The following NF2 variants were observed in gnomAD, a reference collection of about 807,000 sequenced individuals.
The protein encoded by NF2 is merlin.
A neutral mutation model predicts 83.7 loss-of-function variants in NF2; 8 were observed. That is an observed-to-expected ratio of 0.10 (90% CI 0.06 to 0.17). NF2 has a LOEUF of 0.17. NF2 is among the 10% of genes least tolerant of loss of function. The pLI, the probability that NF2 is intolerant of heterozygous loss-of-function variation, is 1.00. For synonymous variants in NF2, 266 were observed against 269.6 expected (o/e 0.99, Z 0.13); for missense variants, 533 against 744.4 (o/e 0.72, Z 3.31).
At chr22:29,651,879 G>A (rs1373243925) in intron 4 of NF2, among the ~76,000 whole-genome samples, 1 of 152,196 alleles carries the variant, frequency 6.6e-6, no homozygotes, top group East Asian at 1.9e-4. Flanking sequence ...CAGCACTGTT[G>A]AGAGATTTGC....
At chr22:29,618,141 C>G (rs2065124056) in intron 1 of NF2, among the ~76,000 whole-genome samples, 1 of 152,084 alleles carries the variant, frequency 6.6e-6, no homozygotes, top group Non-Finnish European at 1.5e-5. Flanking sequence ...GTGGAAAAAC[C>G]TGTTTGTAAA....
intron 6 of NF2, among the ~76,000 whole-genome samples, chr22:29,657,029 T>A (rs1301901370): frequency 2.0e-5 from 3 of 152,008 alleles, no homozygotes; most frequent in East Asian, 3.9e-4. Flanking sequence ...CTTTTTTTTT[T>A]AAACTTAAGT....
At chr22:29,670,545 C>T (rs1365114200) in intron 10 of NF2, among the ~76,000 whole-genome samples, 1 of 119,978 alleles carries the variant, frequency 8.3e-6, no homozygotes, top group Non-Finnish European at 1.7e-5. Flanking sequence ...GTGTATTTGG[C>T]TTAGGATTTA....
intron 13 of NF2, among the ~76,000 whole-genome samples, chr22:29,677,912 GA>G (rs1386068471): frequency 6.6e-6 from 1 of 152,144 alleles, no homozygotes. Flanking sequence ...TTTCCTAAAT[GA>G]AAAAGCGAGT....
In NF2 at chr22:29,629,862, A is replaced by AT. The variant is rs990201595; in HGVS notation, c.115-6885dup. 1.4e-4 allele frequency among the ~76,000 whole-genome samples: 21 copies of AT among 152,338 alleles called. 1 individual carries two copies. The highest frequency in any genetic ancestry group is 4.8e-4 in the African/African-American group (20 of 41,572). The stretch of plus-strand genomic sequence containing the variant: ...TTGCTTCTCTCTTAGCTTTTTCCAC[A>AT]TTTTAGTATTCTCTTTAAAGCCAAC... On this transcript the variant is annotated intron_variant, in intron 1 of 15. Coordinates refer to ENST00000338641, the MANE Select transcript of NF2 (RefSeq NM_000268.4).
At chr22:29,657,551 A>G (rs2066348905) in intron 6 of NF2, among the ~76,000 whole-genome samples, 1 of 152,190 alleles carries the variant, frequency 6.6e-6, no homozygotes, top group Non-Finnish European at 1.5e-5. Context: ...GAGCATTTGG[A>G]GATTGGAGAG....
chr22:29,696,567 C>A lies in NF2; in HGVS notation c.*1765C>A. 1 of 217,174 alleles carries A rather than the reference C, an allele frequency of 4.6e-6. No homozygotes were observed. Among genetic ancestry groups the A allele is most frequent in the Non-Finnish European group, 9.3e-6 (1 of 107,774 alleles). 13.5% of individuals were successfully genotyped at this position (217,174 alleles called of 1,614,324 possible). A position where few individuals can be genotyped will look rare whatever the true frequency, so the allele number is the denominator to read the frequency against. ...AGAGCACAGAGATCCTGCCTTCTTCCTACTATCAGGCTGACCTAATGGGGT... is the reference window on the plus strand; with the variant it reads ...AGAGCACAGAGATCCTGCCTTCTTCATACTATCAGGCTGACCTAATGGGGT... On this transcript the variant is annotated 3_prime_UTR_variant, in exon 16 of 16. Coordinates refer to ENST00000338641, the MANE Select transcript of NF2 (RefSeq NM_000268.4).
In NF2 at chr22:29,603,949, TCA is replaced by T. The variant is rs1333500441; in HGVS notation, c.-49_-48del. The T allele has an allele frequency of 7.0e-7, 1 of 1,420,990 alleles. No individual in the cohort carries two copies. Among genetic ancestry groups the T allele is most frequent in the Non-Finnish European group, 9.7e-7 (1 of 1,032,910 alleles). The allele number at this position is 1,420,990 out of a possible 1,614,324, so 88.0% of individuals were successfully genotyped here. A position where few individuals can be genotyped will look rare whatever the true frequency, so the allele number is the denominator to read the frequency against. On this transcript the variant is annotated 5_prime_UTR_variant, in exon 1 of 16. Coordinates refer to ENST00000338641, the MANE Select transcript of NF2 (RefSeq NM_000268.4). ...AGCAACTCCAGGGGGGCTAAAGGGC[TCA>T]GAGTGCAGGCCGTGGGGCGCGAGGG...
At chr22:29,647,178 G>A (rs2146930986) in intron 4 of NF2, among the ~76,000 whole-genome samples, 1 of 152,270 alleles carries the variant, frequency 6.6e-6, no homozygotes, top group Non-Finnish European at 1.5e-5. Context: ...AAATGACTTT[G>A]GGAGAGAATG....
Position 29,652,829 on chromosome 22 carries a change from G to A in NF2, c.448-1828G>A, listed in dbSNP as rs60674079. Among the ~76,000 whole-genome samples the A allele has an allele frequency of 4.1e-3, 618 of 152,324 alleles. 6 individuals are homozygous for A. Among genetic ancestry groups the A allele is most frequent in the African/African-American group, 0.014 (588 of 41,568 alleles). On this transcript the variant is annotated intron_variant, in intron 4 of 15. Transcript: ENST00000338641. Reference sequence around the variant, plus strand: ...CTACAGCTGCCTTGCAGGGAGTACTGTTAAAGCTTAGTACAGTTACGACTT... The same window carrying A: ...CTACAGCTGCCTTGCAGGGAGTACTATTAAAGCTTAGTACAGTTACGACTT...
intron 13 of NF2, among the ~76,000 whole-genome samples, chr22:29,677,887 C>A (rs1308656186): frequency 6.6e-6 from 1 of 152,244 alleles, no homozygotes; most frequent in Non-Finnish European, 1.5e-5. Flanking sequence ...CAGCCCCTTG[C>A]ACAGGGCCTG....
chr22:29,692,674 T>C (rs893027806), intron 15 of NF2, among the ~76,000 whole-genome samples: 9 of 152,186 alleles, frequency 5.9e-5, no homozygotes, highest in Non-Finnish European at 4.4e-5. Flanking sequence ...GTGCCATACG[T>C]GACCTTGTTG....
intron 13 of NF2, among the ~76,000 whole-genome samples, chr22:29,677,026 C>T (rs1351952241): frequency 8.0e-6 from 1 of 125,206 alleles, no homozygotes; most frequent in East Asian, 2.2e-4. Context: ...CGGTCTGCCT[C>T]AGGCCTTGAG....
At position 29,694,839 on chromosome 22, in the gene NF2, C is replaced by T. The variant is rs1313704343; in HGVS notation, c.*37C>T. On this transcript the variant is annotated 3_prime_UTR_variant, in exon 16 of 16. Transcript: ENST00000338641. The surrounding 1 kb of genome is among the most constrained non-coding windows in gnomAD (Gnocchi z 4.1). ...GCCACCCCAGGACCTGCCACTTCTC[C>T]TGCTACCGGGACCGCGGGATGGACC... 15 of 1,607,094 alleles carry T rather than the reference C, an allele frequency of 9.3e-6. No homozygotes were observed. The highest frequency in any genetic ancestry group is 1.2e-5 in the Non-Finnish European group (14 of 1,175,858).
At chr22:29,666,306 A>C (rs2066620687) in intron 9 of NF2, among the ~76,000 whole-genome samples, 1 of 151,984 alleles carries the variant, frequency 6.6e-6, no homozygotes, top group Non-Finnish European at 1.5e-5. Context: ...ACGCCCGGCT[A>C]ATTTTTGTAT....
In NF2 at chr22:29,658,353, G is replaced by A. The variant is rs1039926395; in HGVS notation, c.675+89G>A. The A allele has an allele frequency of 1.9e-5, 21 of 1,094,556 alleles. No individual in the cohort carries two copies. In the African/African-American group the frequency reaches 2.6e-4, roughly 14 times the overall value. 67.8% of individuals were successfully genotyped at this position (1,094,556 alleles called of 1,614,324 possible). Reference sequence around the variant, plus strand: ...TAAAATGGTTACTTCTTCATTCCAAGGCGATAGACTCTTTTATGGTTCTGT... The same window carrying A: ...TAAAATGGTTACTTCTTCATTCCAAAGCGATAGACTCTTTTATGGTTCTGT... On this transcript the variant is annotated intron_variant, in intron 7 of 15. Coordinates refer to ENST00000338641, the MANE Select transcript of NF2 (RefSeq NM_000268.4).
chr22:29,635,126 C>A (rs1374497198), intron 1 of NF2, among the ~76,000 whole-genome samples: 3 of 152,078 alleles, frequency 2.0e-5, no homozygotes, highest in African/African-American at 7.2e-5. Context: ...CTTTGCTTGA[C>A]TTTGACTGCA....
Position 29,668,327 on chromosome 22 carries a change from C to T in NF2, c.886-6C>T, listed in dbSNP as rs1478324221. 1.2e-6 allele frequency: 2 copies of T among 1,607,972 alleles called. No individual in the cohort carries two copies. Among genetic ancestry groups the T allele is most frequent in the African/African-American group, 1.3e-5 (1 of 74,748 alleles). ...TTAACCTTTTTGTCTGCTTCTGTGG[C>T]CACAGATTCTCCAGCTATGTATCGG... On this transcript the variant is annotated splice_polypyrimidine_tract_variant and splice_region_variant and intron_variant, in intron 9 of 15. Coordinates refer to ENST00000338641, the MANE Select transcript of NF2 (RefSeq NM_000268.4).
intron 2 of NF2, among the ~76,000 whole-genome samples, chr22:29,638,310 A>G (rs2065701645): frequency 6.7e-6 from 1 of 150,008 alleles, no homozygotes; most frequent in Non-Finnish European, 1.5e-5. Flanking sequence ...TAATGTTTAG[A>G]TGACTTCATA....
Sources: allele counts gnomAD v4.1 joint callset (sites outside exome capture counted in the v4.1 genomes callset), GRCh38; gene constraint gnomAD v4.1.1; non-coding constraint Gnocchi (gnomAD v3.1); transcripts MANE v1.5; gene names NCBI Gene and HGNC (gene_info 2026-07-23, HGNC 2026-07-21).